ATP5F1C: variants seen among roughly 807,000 people sequenced by gnomAD.
The protein encoded by ATP5F1C is ATP synthase F1 subunit gamma, also known as ATP synthase F(1) complex subunit gamma, mitochondrial.
A neutral mutation model predicts 37.4 loss-of-function variants in ATP5F1C; 22 were observed. The ratio of observed to expected loss-of-function variants is 0.59; its 90% CI spans 0.42 to 0.84. The LOEUF is 0.84. ATP5F1C is among the 40% of genes least tolerant of loss of function. ATP5F1C has a pLI of 0.00. For missense variants in ATP5F1C, 286 were observed against 362.4 expected (o/e 0.79, Z 1.71); for synonymous variants, 121 against 128.0 (o/e 0.95, Z 0.37).
intron 9 of ATP5F1C, among the ~76,000 whole-genome samples, chr10:7,807,349 T>C (rs1057447): frequency 0.22 from 32,760 of 152,212 alleles, 3,657 homozygotes; most frequent in Admixed American, 0.26. Context: ...AGAAGCCAGC[T>C]AGATTTTCAT....
At chr10:7,797,899 G>C (rs1283878897) in intron 3 of ATP5F1C, among the ~76,000 whole-genome samples, 1 of 152,116 alleles carries the variant, frequency 6.6e-6, no homozygotes, top group Non-Finnish European at 1.5e-5. Flanking sequence ...AGTTTAAAAA[G>C]AATTTATATT....
chr10:7,789,575 C>T (rs960181607), intron 1 of ATP5F1C, among the ~76,000 whole-genome samples: 4 of 152,264 alleles, frequency 2.6e-5, no homozygotes, highest in East Asian at 3.9e-4. Flanking sequence ...CCACTCCACC[C>T]GGTGGTACTT....
rs150686282 is a variant in ATP5F1C at position 7,799,811 on chromosome 10, G to A, written c.468G>A (p.Val156=). 51 of 1,614,042 alleles carry A rather than the reference G, an allele frequency of 3.2e-5. No homozygotes were observed. In the African/African-American group the frequency reaches 5.9e-4, roughly 19 times the overall value. The change falls in exon 5 of 10, where the codon GTG becomes GTA. Residue 156 remains valine, a synonymous_variant. Transcript: ENST00000356708. ...AGTTTCTGGTGGCATTCAAAGAAGT[G>A]GGAAGAAAGCCCCCCACTTTTGGAG... ...SDQFLVAFKE[V]GRKPPTFGDA...
At chr10:7,793,953 G>A (rs1836199303) in intron 1 of ATP5F1C, among the ~76,000 whole-genome samples, 2 of 152,258 alleles carry the variant, frequency 1.3e-5, no homozygotes, top group South Asian at 2.1e-4. Flanking sequence ...GTCAGGTAGT[G>A]TCAGTCCTGA....
chr10:7,802,329 A>C lies in ATP5F1C; in HGVS notation c.697A>C (p.Asn233His), dbSNP rs1446400424. The C allele has an allele frequency of 1.2e-6, 2 of 1,613,946 alleles. No homozygotes were observed. Among genetic ancestry groups the C allele is most frequent in the African/African-American group, 2.7e-5 (2 of 74,938 alleles). The change falls in exon 7 of 10, where the codon AAT becomes CAT. Residue 233 changes from asparagine to histidine, a missense_variant. Physicochemically the swap from Asn to His is moderately conservative, Grantham distance 68. Coordinates refer to ENST00000356708, the MANE Select transcript of ATP5F1C (RefSeq NM_001001973.3). ...ADVLQNYQEY[N>H]LANIIYYSLK... is the part of the protein sequence containing the mutation. Reference sequence around the variant, plus strand: ...CGTGCTGCAAAATTACCAAGAATACAATCTGGCCAACATCATCTACTACTC... The same window carrying C: ...CGTGCTGCAAAATTACCAAGAATACCATCTGGCCAACATCATCTACTACTC...
intron 8 of ATP5F1C, among the ~76,000 whole-genome samples, chr10:7,806,654 C>CA (rs34887547): frequency 0.28 from 35,328 of 126,368 alleles, 4,367 homozygotes; most frequent in East Asian, 0.45. Flanking sequence ...ACTCCATCTC[C>CA]AAAAAAAAAA....
At chr10:7,800,952 G>C (rs575103359) in intron 6 of ATP5F1C, among the ~76,000 whole-genome samples, 1 of 152,344 alleles carries the variant, frequency 6.6e-6, no homozygotes, top group African/African-American at 2.4e-5. Flanking sequence ...ATTGAAGAGC[G>C]TAGCTAGAAA....
At chr10:7,803,704 A>T (rs1391520003) in intron 8 of ATP5F1C, among the ~76,000 whole-genome samples, 2 of 152,244 alleles carry the variant, frequency 1.3e-5, no homozygotes, top group Admixed American at 1.3e-4. Flanking sequence ...CTATGTGCAC[A>T]GTACAGTGCT....
rs922975108 is a variant in ATP5F1C, at chr10:7,800,111, T to C, written c.637+20T>C. On this transcript the variant is annotated intron_variant, in intron 6 of 9. Coordinates refer to ENST00000356708, the MANE Select transcript of ATP5F1C (RefSeq NM_001001973.3). ...GTGCTGGTAAGTAGTTTTTCTATGA[T>C]ACATATTTTTTGGCATATAGAATGG... 1 of 1,609,918 alleles carries C rather than the reference T, an allele frequency of 6.2e-7. No individual in the cohort carries two copies. The highest frequency in any genetic ancestry group is 8.5e-7 in the Non-Finnish European group (1 of 1,176,848).
At position 7,790,097 on chromosome 10, in the gene ATP5F1C, T is replaced by C. The variant is rs150453805; in HGVS notation, c.56+1834T>C. Among the ~76,000 whole-genome samples the C allele has an allele frequency of 3.6e-3, 541 of 152,332 alleles. 6 individuals carry two copies. The highest frequency in any genetic ancestry group is 0.012 in the African/African-American group (508 of 41,572). On this transcript the variant is annotated intron_variant, in intron 1 of 9. Coordinates refer to ENST00000356708, the MANE Select transcript of ATP5F1C (RefSeq NM_001001973.3). ...TGTCTTTCCTTCCTCTTCTGCCATT[T>C]CTCTTTCCATGAATTATAATTGCCT... is the stretch of plus-strand genomic sequence containing the variant.
At chr10:7,792,968 C>G (rs1185548917) in intron 1 of ATP5F1C, among the ~76,000 whole-genome samples, 1 of 152,198 alleles carries the variant, frequency 6.6e-6, no homozygotes, top group Non-Finnish European at 1.5e-5. Flanking sequence ...CCTTTTGCTC[C>G]ACATCCTCAT....
chr10:7,800,329 G>A (rs1250597834), intron 6 of ATP5F1C, among the ~76,000 whole-genome samples: 1 of 151,926 alleles, frequency 6.6e-6, no homozygotes, highest in African/African-American at 2.4e-5. Context: ...CCTAGTACCT[G>A]GGACTACAGG....
At chr10:7,799,738 A>T in intron 4 of ATP5F1C, 34 bp from the exon 5 acceptor site, 4 of 1,603,578 alleles carry the variant, frequency 2.5e-6, no homozygotes, top group Non-Finnish European at 3.4e-6. Flanking sequence ...AAATCTTATT[A>T]AACTAGCTAT....
intron 1 of ATP5F1C, among the ~76,000 whole-genome samples, chr10:7,791,864 T>C (rs1588495967): frequency 1.3e-5 from 2 of 152,348 alleles, no homozygotes; most frequent in South Asian, 4.1e-4. Flanking sequence ...TTAGGGCAAA[T>C]GCGTAGCATT....
chr10:7,801,860 G>A (rs1005132006), intron 6 of ATP5F1C, among the ~76,000 whole-genome samples: 5 of 152,182 alleles, frequency 3.3e-5, no homozygotes, highest in African/African-American at 1.2e-4. Flanking sequence ...TGGGATTAGG[G>A]ATGCTCAACC....
chr10:7,798,877 C>A, intron 3 of ATP5F1C, 113 bp from the exon 4 acceptor site: 1 of 1,011,970 alleles, frequency 9.9e-7, no homozygotes, highest in Non-Finnish European at 1.5e-6. Flanking sequence ...TAGGCAGTTG[C>A]CAGCTAAATT....
chr10:7,788,919 A>G (rs1343193147), intron 1 of ATP5F1C, among the ~76,000 whole-genome samples: 1 of 151,230 alleles, frequency 6.6e-6, no homozygotes, highest in Non-Finnish European at 1.5e-5. Context: ...CTACCTTGAA[A>G]CCACTTGCTG....
rs1240182802 is a variant in ATP5F1C, at chr10:7,799,825, C to A, written c.482C>A (p.Pro161His). 6.2e-7 allele frequency: 1 copy of A among 1,614,166 alleles called. No homozygotes were observed. The highest frequency in any genetic ancestry group is 8.5e-7 in the Non-Finnish European group (1 of 1,180,028). Residue 161 changes from proline (P) to histidine (H), a missense_variant, in exon 5 of 10, where the codon CCC becomes CAC. By Grantham distance (77) the Pro-to-His change is moderately conservative. Transcript: ENST00000356708. ...VAFKEVGRKP[P>H]TFGDASVIAL... is the part of the protein sequence containing the mutation. ...TTCAAAGAAGTGGGAAGAAAGCCCCCCACTTTTGGAGATGCGTCAGTCATT... is the reference window on the plus strand; with the variant it reads ...TTCAAAGAAGTGGGAAGAAAGCCCCACACTTTTGGAGATGCGTCAGTCATT...
At chr10:7,791,507 A>G (rs1043848443) in intron 1 of ATP5F1C, among the ~76,000 whole-genome samples, 13 of 152,160 alleles carry the variant, frequency 8.5e-5, no homozygotes, top group African/African-American at 3.1e-4. Flanking sequence ...CTCTCAAACA[A>G]TAGTTTCTTG....
Sources: gnomAD v4.1 joint callset for allele counts (sites outside exome capture counted in the v4.1 genomes callset) on GRCh38, gnomAD v4.1.1 for gene constraint, MANE v1.5 for transcripts, NCBI Gene and HGNC (gene_info 2026-07-23, HGNC 2026-07-21) for gene names.